The following COMMD10 variants were observed in gnomAD, a reference collection of about 807,000 sequenced individuals.
The protein encoded by COMMD10 is COMM domain-containing protein 10.
A neutral mutation model predicts 28.9 loss-of-function variants in COMMD10; 33 were observed. The observed-to-expected ratio is 1.14, with a 90% confidence interval of 0.87 to 1.53. COMMD10 has a LOEUF of 1.53. COMMD10 is among the 40% of genes most tolerant of loss of function. The pLI is 0.00. For missense variants in COMMD10, 310 were observed against 233.4 expected (o/e 1.33, Z -2.14); for synonymous variants, 110 against 81.7 (o/e 1.35, Z -1.87).
chr5:116,165,935 T>A (rs1753076174), intron 5 of COMMD10, among the ~76,000 whole-genome samples: 1 of 152,172 alleles, frequency 6.6e-6, no homozygotes. Context: ...TATCTGCCCC[T>A]GAGAGGGTGG....
At chr5:116,160,155 T>C (rs1752870353) in intron 5 of COMMD10, among the ~76,000 whole-genome samples, 1 of 152,184 alleles carries the variant, frequency 6.6e-6, no homozygotes, top group African/African-American at 2.4e-5. Flanking sequence ...TGAACCTATT[T>C]TCTGCCTAAA....
chr5:116,140,913 G>T (rs944647688), intron 5 of COMMD10, among the ~76,000 whole-genome samples: 1 of 151,676 alleles, frequency 6.6e-6, no homozygotes, highest in African/African-American at 2.4e-5. Context: ...TTCCTTTTCT[G>T]TACAGGAGCT....
intron 4 of COMMD10, among the ~76,000 whole-genome samples, chr5:116,121,862 T>C (rs1751445936): frequency 6.6e-6 from 1 of 152,164 alleles, no homozygotes; most frequent in Non-Finnish European, 1.5e-5. Context: ...GTTGGAGTTC[T>C]TTGTAGATTC....
intron 5 of COMMD10, among the ~76,000 whole-genome samples, chr5:116,202,730 G>A (rs894871933): frequency 2.0e-5 from 3 of 151,236 alleles, no homozygotes; most frequent in African/African-American, 7.3e-5. Flanking sequence ...TTTTGATGGG[G>A]TTGTTTGTTT....
intron 5 of COMMD10, among the ~76,000 whole-genome samples, chr5:116,278,849 A>T (rs1234383656): frequency 6.6e-6 from 1 of 151,828 alleles, no homozygotes; most frequent in East Asian, 1.9e-4. Context: ...TTTAGCCCAT[A>T]TATTTTCTGA....
At chr5:116,261,014 T>C (rs1222031393) in intron 5 of COMMD10, among the ~76,000 whole-genome samples, 2 of 151,780 alleles carry the variant, frequency 1.3e-5, no homozygotes, top group African/African-American at 2.4e-5. Context: ...CCAAATTTGA[T>C]TTTATTTTTC....
chr5:116,263,776 C>T (rs562676169), intron 5 of COMMD10, among the ~76,000 whole-genome samples: 4 of 151,866 alleles, frequency 2.6e-5, no homozygotes, highest in East Asian at 1.9e-4. Context: ...TTTTGTTCTC[C>T]TGCCTTTCTG....
intron 5 of COMMD10, among the ~76,000 whole-genome samples, chr5:116,245,090 G>C (rs1180583808): frequency 2.6e-5 from 4 of 151,252 alleles, no homozygotes; most frequent in Non-Finnish European, 5.9e-5. Context: ...TCACTAGCTA[G>C]ACTAATAAAG....
chr5:116,222,545 T>G (rs1749288754), intron 5 of COMMD10, among the ~76,000 whole-genome samples: 1 of 152,134 alleles, frequency 6.6e-6, no homozygotes, highest in Non-Finnish European at 1.5e-5. Flanking sequence ...GACACTATGT[T>G]TTATGAGGGA....
In COMMD10 at chr5:116,293,229, T is replaced by G; in HGVS notation, c.*740T>G. The G allele has an allele frequency of 2.7e-6, 1 of 376,700 alleles. No homozygotes were observed. Among genetic ancestry groups the G allele is most frequent in the Non-Finnish European group, 4.7e-6 (1 of 212,420 alleles). The allele number at this position is 376,700 out of a possible 1,614,324, so 23.3% of individuals were successfully genotyped here. On this transcript the variant is annotated 3_prime_UTR_variant, in exon 7 of 7. Transcript: ENST00000274458. Reference sequence around the variant, plus strand: ...CACCATTATTCGAATCAGATACCTTTTATATTCTCTTTCCATAAATACGTT... The same window carrying G: ...CACCATTATTCGAATCAGATACCTTGTATATTCTCTTTCCATAAATACGTT...
At chr5:116,251,784 T>C (rs1288954579) in intron 5 of COMMD10, among the ~76,000 whole-genome samples, 1 of 152,064 alleles carries the variant, frequency 6.6e-6, no homozygotes, top group African/African-American at 2.4e-5. Flanking sequence ...AGCAGCATGA[T>C]TTATAGTCCC....
At chr5:116,270,672 C>T (rs1338039089) in intron 5 of COMMD10, among the ~76,000 whole-genome samples, 1 of 151,710 alleles carries the variant, frequency 6.6e-6, no homozygotes, top group Non-Finnish European at 1.5e-5. Context: ...CACGGTGGCT[C>T]ACACCTGTAA....
chr5:116,211,211 A>C (rs1748954843), intron 5 of COMMD10, among the ~76,000 whole-genome samples: 1 of 152,112 alleles, frequency 6.6e-6, no homozygotes, highest in Non-Finnish European at 1.5e-5. Context: ...TGCATCACTT[A>C]ATGACAGGGA....
At chr5:116,273,841 GTCA>G (rs769037982) in intron 5 of COMMD10, among the ~76,000 whole-genome samples, 6 of 151,664 alleles carry the variant, frequency 4.0e-5, no homozygotes, top group Non-Finnish European at 7.4e-5. Flanking sequence ...TGGAACTAAA[GTCA>G]TCATTCAAAA....
intron 5 of COMMD10, among the ~76,000 whole-genome samples, chr5:116,142,385 C>T (rs1752221846): frequency 6.6e-6 from 1 of 151,712 alleles, no homozygotes; most frequent in Non-Finnish European, 1.5e-5. Context: ...TACTTAGATG[C>T]TCAGTAAACC....
At chr5:116,279,460 T>A (rs1751010372) in intron 5 of COMMD10, among the ~76,000 whole-genome samples, 1 of 151,854 alleles carries the variant, frequency 6.6e-6, no homozygotes, top group African/African-American at 2.4e-5. Context: ...CTCAGGAGTT[T>A]CCGTTTGCCC....
intron 4 of COMMD10, among the ~76,000 whole-genome samples, chr5:116,127,591 C>T (rs1168275849): frequency 3.9e-5 from 6 of 152,156 alleles, no homozygotes; most frequent in South Asian, 2.1e-4. Context: ...GAATACTATG[C>T]AGCCATAAAA....
At chr5:116,289,035 C>T (rs774441691) in intron 5 of COMMD10, among the ~76,000 whole-genome samples, 1 of 151,374 alleles carries the variant, frequency 6.6e-6, no homozygotes, top group Non-Finnish European at 1.5e-5. Flanking sequence ...GTGCATGCCA[C>T]CATGCCTGGC....
intron 5 of COMMD10, among the ~76,000 whole-genome samples, chr5:116,237,506 A>G (rs984429910): frequency 3.9e-5 from 6 of 152,146 alleles, no homozygotes; most frequent in African/African-American, 1.2e-4. Flanking sequence ...TAAAATGTAG[A>G]TAAACGTTAC....
Sources: allele counts gnomAD v4.1 joint callset (sites outside exome capture counted in the v4.1 genomes callset), GRCh38; gene constraint gnomAD v4.1.1; transcripts MANE v1.5; gene names NCBI Gene and HGNC (gene_info 2026-07-23, HGNC 2026-07-21).